NCOA1: variants seen among roughly 807,000 people sequenced by gnomAD.
The protein encoded by NCOA1 is nuclear receptor coactivator 1.
A neutral mutation model predicts 150.9 loss-of-function variants in NCOA1; 35 were observed. The observed-to-expected ratio is 0.23, with a 90% CI of 0.18 to 0.31. The LOEUF is 0.31. Ranked by LOEUF, NCOA1 falls within the 10% of genes least tolerant of loss-of-function variation. NCOA1 has a pLI of 1.00. For synonymous variants in NCOA1, 590 were observed against 630.0 expected, an observed-to-expected ratio of 0.94 and a Z score of 0.95; for missense variants, 1,491 against 1,749.3, an observed-to-expected ratio of 0.85 and a Z score of 2.63.
intron 3 of NCOA1, among the ~76,000 whole-genome samples, chr2:24,589,212 C>T (rs1320568092): frequency 6.6e-6 from 1 of 152,070 alleles, no homozygotes; most frequent in Non-Finnish European, 1.5e-5. Context: ...TTGTGGCCAC[C>T]GAGGTACTAC....
chr2:24,691,711 GA>G, intron 9 of NCOA1, 51 bp downstream of exon 9: 1 of 1,553,616 alleles, frequency 6.4e-7, no homozygotes, highest in East Asian at 2.3e-5. Context: ...TGACTTTAAG[GA>G]AAAGAGAGGA....
At chr2:24,672,996 AAAAG>A (rs1293926461) in intron 6 of NCOA1, among the ~76,000 whole-genome samples, 5 of 152,326 alleles carry the variant, frequency 3.3e-5, no homozygotes, top group South Asian at 2.1e-4. Flanking sequence ...TCAAATCAGA[AAAAG>A]AAAGAGAAAA....
intron 3 of NCOA1, among the ~76,000 whole-genome samples, chr2:24,627,881 A>G (rs529682581): frequency 1.1e-4 from 16 of 152,372 alleles, no homozygotes; most frequent in Admixed American, 4.6e-4. Context: ...GTATTGCAGA[A>G]TGATGATACA....
At position 24,496,918 on chromosome 2, in the gene NCOA1, A is replaced by G. The variant is rs543368132; in HGVS notation, c.-396+5316A>G. ...TTTGACCAAAATATGACTCTCAAAT[A>G]TTGTAAAAAGGTATTAATTAGGAAT... is the stretch of plus-strand genomic sequence containing the variant. On this transcript the variant is annotated intron_variant, in intron 1 of 22. Transcript: ENST00000348332. 1.1e-4 allele frequency among the ~76,000 whole-genome samples: 16 copies of G among 152,354 alleles called. No individual in the cohort carries two copies. In the East Asian group the frequency reaches 3.1e-3, roughly 29 times the overall value.
chr2:24,733,264 C>A (rs1219397148), intron 17 of NCOA1, among the ~76,000 whole-genome samples: 2 of 152,142 alleles, frequency 1.3e-5, no homozygotes. Context: ...CCCCTTTCTC[C>A]TGCCTTAAAT....
In NCOA1 at chr2:24,740,230, C is replaced by T. The variant is rs148755096; in HGVS notation, c.3303+697C>T. Among the ~76,000 whole-genome samples the T allele has an allele frequency of 1.8e-4, 27 of 152,266 alleles. No homozygotes were observed. In the East Asian group the frequency reaches 5.2e-3, roughly 29 times the overall value. On this transcript the variant is annotated intron_variant, in intron 18 of 22. Coordinates refer to ENST00000348332, the MANE Select transcript of NCOA1 (RefSeq NM_003743.5). Reference sequence around the variant, plus strand: ...ATGGATTAGGAGCAAATAAAGCCAGCACCTGTATTATTAAAGAGATAAATA... The same window carrying T: ...ATGGATTAGGAGCAAATAAAGCCAGTACCTGTATTATTAAAGAGATAAATA...
At chr2:24,683,484 A>C (rs1672268646) in intron 8 of NCOA1, among the ~76,000 whole-genome samples, 2 of 152,208 alleles carry the variant, frequency 1.3e-5, no homozygotes, top group South Asian at 4.1e-4. Flanking sequence ...AGAAGGAAAG[A>C]ATATATGTCA....
chr2:24,660,032 C>T (rs890792194), intron 5 of NCOA1, among the ~76,000 whole-genome samples: 1 of 151,960 alleles, frequency 6.6e-6, no homozygotes, highest in South Asian at 2.1e-4. Flanking sequence ...GCTCCAGGCT[C>T]GAGAAAGAAA....
chr2:24,542,601 C>T (rs1458648953), intron 1 of NCOA1, among the ~76,000 whole-genome samples: 1 of 152,086 alleles, frequency 6.6e-6, no homozygotes, highest in African/African-American at 2.4e-5. Flanking sequence ...AACTTTATCG[C>T]CAAATAGCAT....
chr2:24,569,490 C>T (rs535291968), intron 2 of NCOA1, among the ~76,000 whole-genome samples: 9 of 149,044 alleles, frequency 6.0e-5, no homozygotes, highest in East Asian at 2.0e-4. Flanking sequence ...GTCTGAATTA[C>T]GGTGCAAAAT....
chr2:24,667,709 C>A (rs945709490), intron 6 of NCOA1, among the ~76,000 whole-genome samples: 1 of 152,172 alleles, frequency 6.6e-6, no homozygotes, highest in African/African-American at 2.4e-5. Flanking sequence ...CTCACACTCT[C>A]TGCCCTGACC....
chr2:24,667,033 CAT>C (rs1043389012), intron 6 of NCOA1, among the ~76,000 whole-genome samples: 3 of 152,116 alleles, frequency 2.0e-5, no homozygotes, highest in African/African-American at 7.2e-5. Flanking sequence ...AGTTATTTAA[CAT>C]ATGAGGAAAT....
intron 3 of NCOA1, among the ~76,000 whole-genome samples, chr2:24,627,813 G>T (rs889333491): frequency 1.3e-5 from 2 of 152,206 alleles, no homozygotes; most frequent in Non-Finnish European, 2.9e-5. Context: ...GTTTTTGAGT[G>T]TGGATTTTCT....
At chr2:24,658,188 A>G (rs1671028825) in intron 4 of NCOA1, among the ~76,000 whole-genome samples, 1 of 152,242 alleles carries the variant, frequency 6.6e-6, no homozygotes, top group Non-Finnish European at 1.5e-5. Context: ...TTAATTATGT[A>G]TGTACTATTT....
chr2:24,665,589 T>G (rs1558885667), intron 5 of NCOA1, among the ~76,000 whole-genome samples, 160 bp from the exon 6 acceptor site: 1 of 152,244 alleles, frequency 6.6e-6, no homozygotes, highest in Non-Finnish European at 1.5e-5. Context: ...TATTTTGTAA[T>G]GTCCACTTTT....
rs1369192943 is a variant in NCOA1 at position 24,491,460 on chromosome 2, G to C, written c.-538G>C. Among the ~76,000 whole-genome samples, 1 of 23,490 alleles carries C rather than the reference G, an allele frequency of 4.3e-5. No individual in the cohort carries two copies. The highest frequency in any genetic ancestry group is 6.9e-5 in the African/African-American group (1 of 14,556). The allele number at this position is 23,490 out of a possible 152,430, so 15.4% of individuals were successfully genotyped here. A position where few individuals can be genotyped will look rare whatever the true frequency, so the allele number is the denominator to read the frequency against. ...CGTCAGGTTCCCTCTGCATCCCCCT[G>C]CGGGGGGACCCCTGCTCCGGAGGAG... On this transcript the variant is annotated 5_prime_UTR_variant, in exon 1 of 23. Coordinates refer to ENST00000348332, the MANE Select transcript of NCOA1 (RefSeq NM_003743.5).
intron 1 of NCOA1, among the ~76,000 whole-genome samples, chr2:24,555,147 G>A (rs1466133190): frequency 1.3e-5 from 2 of 151,894 alleles, no homozygotes. Context: ...CCCCACAAAC[G>A]TTGATATTTT....
chr2:24,517,378 T>G (rs1664245556), intron 1 of NCOA1, among the ~76,000 whole-genome samples: 1 of 151,998 alleles, frequency 6.6e-6, no homozygotes, highest in Non-Finnish European at 1.5e-5. Context: ...GACTTTCTCC[T>G]CTGAGCAAGT....
chr2:24,698,223 A>T (rs1198279767), intron 11 of NCOA1, among the ~76,000 whole-genome samples: 1 of 152,150 alleles, frequency 6.6e-6, no homozygotes, highest in Admixed American at 6.5e-5. Context: ...GAAGAAAAAA[A>T]TTAATTCTGA....
Sources: gnomAD v4.1 joint callset for allele counts (sites outside exome capture counted in the v4.1 genomes callset) on GRCh38, gnomAD v4.1.1 for gene constraint, MANE v1.5 for transcripts, NCBI Gene and HGNC (gene_info 2026-07-23, HGNC 2026-07-21) for gene names.